The following SDK1 variants were observed in gnomAD, a reference collection of about 807,000 sequenced individuals.
SDK1 encodes sidekick cell adhesion molecule 1, also known as protein sidekick-1.
Under a neutral mutation model 245.5 loss-of-function variants are expected in SDK1, and 157 were observed. The ratio of observed to expected loss-of-function variants is 0.64; its 90% CI spans 0.56 to 0.73. The LOEUF (loss-of-function observed/expected upper bound fraction) is 0.73, where lower values mean the gene tolerates loss of function less well. SDK1 is among the 30% of genes least tolerant of loss of function. The pLI is 0.00. For missense variants in SDK1, 3,583 were observed against 3,002.3 expected (o/e 1.19, Z -4.52); for synonymous variants, 1,647 against 1,278.5 (o/e 1.29, Z -6.15).
intron 1 of SDK1, among the ~76,000 whole-genome samples, chr7:3,403,824 C>CATATATATAT (rs10650660): frequency 2.6e-4 from 16 of 60,738 alleles, no homozygotes; most frequent in Admixed American, 4.8e-4. Flanking sequence ...AAATATCTTA[C>CATATATATAT]ATATATATAT....
At chr7:3,538,468 C>T (rs1778959357) in intron 1 of SDK1, among the ~76,000 whole-genome samples, 1 of 152,084 alleles carries the variant, frequency 6.6e-6, no homozygotes, top group Non-Finnish European at 1.5e-5. Context: ...ATCTGAATTT[C>T]CTTATTTACC....
At chr7:3,667,622 C>G (rs988359633) in intron 4 of SDK1, among the ~76,000 whole-genome samples, 2 of 152,226 alleles carry the variant, frequency 1.3e-5, no homozygotes, top group Non-Finnish European at 2.9e-5. Flanking sequence ...CACCAGGAGA[C>G]CCTGGCAGTC....
chr7:3,893,788 A>G (rs1781522782), intron 5 of SDK1, among the ~76,000 whole-genome samples: 1 of 151,466 alleles, frequency 6.6e-6, no homozygotes, highest in Non-Finnish European at 1.5e-5. Context: ...TCTCCAGGTG[A>G]TGGTGATTTC....
At chr7:3,920,955 C>T (rs1324153535) in intron 5 of SDK1, among the ~76,000 whole-genome samples, 1 of 152,166 alleles carries the variant, frequency 6.6e-6, no homozygotes, top group Non-Finnish European at 1.5e-5. Context: ...ACCACCCCTG[C>T]CCTCAAATGA....
rs1783957862 is a variant in SDK1 at position 4,119,996 on chromosome 7, AAAAT to A, written c.3823+5727_3823+5730del. ...TCTTAAAGCAGATTTGTTTTTAGAAAAAATAAATGGGACACAGTCATTGAAAATG... is the reference window on the plus strand; with the variant it reads ...TCTTAAAGCAGATTTGTTTTTAGAAAAAATGGGACACAGTCATTGAAAATG... On this transcript the variant is annotated intron_variant, in intron 25 of 44. Transcript: ENST00000404826. Among the ~76,000 whole-genome samples, 3 of 149,160 alleles carry A rather than the reference AAAAT, an allele frequency of 2.0e-5. 1 individual carries two copies. The highest frequency in any genetic ancestry group is 4.5e-5 in the Non-Finnish European group (3 of 66,824).
chr7:3,382,086 G>A lies in SDK1; in HGVS notation c.298+80202G>A, dbSNP rs183314565. On this transcript the variant is annotated intron_variant, in intron 1 of 44. Coordinates refer to ENST00000404826, the MANE Select transcript of SDK1 (RefSeq NM_152744.4). The stretch of plus-strand genomic sequence containing the variant: ...CACAAGAAAAACCTATGCAGTAGGC[G>A]TTACTAGTTGTCCTCATTTTATTTT... 5.9e-5 allele frequency among the ~76,000 whole-genome samples: 9 copies of A among 152,090 alleles called. No homozygotes were observed. In the East Asian group the frequency reaches 1.2e-3, roughly 20 times the overall value.
chr7:3,866,799 C>G (rs545600320), intron 5 of SDK1, among the ~76,000 whole-genome samples: 34 of 152,216 alleles, frequency 2.2e-4, no homozygotes, highest in Non-Finnish European at 4.0e-4. Flanking sequence ...TGTGGAGGAA[C>G]CACTTGAGAG....
chr7:4,144,758 A>G (rs968664771), intron 28 of SDK1, among the ~76,000 whole-genome samples: 1 of 152,166 alleles, frequency 6.6e-6, no homozygotes, highest in Non-Finnish European at 1.5e-5. Flanking sequence ...GTGAGCCACC[A>G]GTGCAGAGGC....
intron 1 of SDK1, among the ~76,000 whole-genome samples, chr7:3,394,139 G>C (rs1258633027): frequency 6.6e-6 from 1 of 151,718 alleles, no homozygotes; most frequent in African/African-American, 2.4e-5. Context: ...TTACCAGACA[G>C]AGATATTGTT....
intron 25 of SDK1, among the ~76,000 whole-genome samples, chr7:4,116,168 G>T (rs1487857681): frequency 1.3e-5 from 2 of 152,204 alleles, no homozygotes; most frequent in African/African-American, 4.8e-5. Context: ...AGCCTCTGAG[G>T]ACAGCTGGAG....
intron 1 of SDK1, among the ~76,000 whole-genome samples, chr7:3,384,503 A>G (rs903808916): frequency 6.6e-6 from 1 of 152,222 alleles, no homozygotes; most frequent in Non-Finnish European, 1.5e-5. Context: ...GAGAAATGCT[A>G]GAGCAAATAA....
chr7:3,403,038 G>T (rs1778933039), intron 1 of SDK1, among the ~76,000 whole-genome samples: 1 of 152,074 alleles, frequency 6.6e-6, no homozygotes, highest in Non-Finnish European at 1.5e-5. Context: ...GGGTTCAAGT[G>T]ATTCTCCTGC....
chr7:3,729,363 C>G (rs1327274508), intron 4 of SDK1, among the ~76,000 whole-genome samples: 2 of 152,194 alleles, frequency 1.3e-5, no homozygotes, highest in African/African-American at 4.8e-5. Context: ...TATTCCTACA[C>G]AGTAGCCTAG....
intron 1 of SDK1, among the ~76,000 whole-genome samples, chr7:3,357,054 A>G (rs572126500): frequency 0.013 from 340 of 26,126 alleles, no homozygotes; most frequent in Middle Eastern, 0.037. Context: ...GACTCTCTCG[A>G]AAAAAAAAAA....
chr7:3,496,458 CTT>C (rs76227321), intron 1 of SDK1, among the ~76,000 whole-genome samples: 3 of 142,702 alleles, frequency 2.1e-5, no homozygotes, highest in Non-Finnish European at 1.5e-5. Flanking sequence ...GTGTTTTTAA[CTT>C]TTTTTTTTTT....
chr7:3,614,041 G>A (rs184575363), intron 1 of SDK1, among the ~76,000 whole-genome samples: 1 of 152,246 alleles, frequency 6.6e-6, no homozygotes, highest in Admixed American at 6.5e-5. Context: ...TAATACCTGG[G>A]TGATGAAATA....
chr7:3,525,198 G>T (rs903880734), intron 1 of SDK1, among the ~76,000 whole-genome samples: 1 of 151,970 alleles, frequency 6.6e-6, no homozygotes, highest in African/African-American at 2.4e-5. Context: ...GGTATTCTTG[G>T]TGGGCCCTGG....
At chr7:4,177,222 G>C (rs1318087890) in intron 34 of SDK1, among the ~76,000 whole-genome samples, 1 of 152,192 alleles carries the variant, frequency 6.6e-6, no homozygotes, top group Non-Finnish European at 1.5e-5. Context: ...TTGCTGGGCT[G>C]GTAGCTGGCA....
rs1782170767 is a variant in SDK1, at chr7:4,175,818, G to A, written c.4980G>A (p.Thr1660=). The change falls in exon 34 of 45, where the codon ACG becomes ACA. Residue 1660 remains threonine, a synonymous_variant. Transcript: ENST00000404826. ...FKTVNSSSTS[T]MCELTHLKKY... ...CGGTGAACAGCAGCTCCACATCGAC[G>A]ATGTGTGAACTAACACGTAAGTGCG... 6.2e-6 allele frequency: 10 copies of A among 1,613,550 alleles called. No individual in the cohort carries two copies. Among genetic ancestry groups the A allele is most frequent in the South Asian group, 1.1e-5 (1 of 91,086 alleles).
Sources: gnomAD v4.1 joint callset for allele counts (sites outside exome capture counted in the v4.1 genomes callset) on GRCh38, gnomAD v4.1.1 for gene constraint, MANE v1.5 for transcripts, NCBI Gene and HGNC (gene_info 2026-07-23, HGNC 2026-07-21) for gene names.